ERBB4: variants seen among roughly 807,000 people sequenced by gnomAD.
ERBB4 encodes erb-b2 receptor tyrosine kinase 4, also known as receptor tyrosine-protein kinase erbB-4.
ERBB4 carries 42 observed loss-of-function variants against 158.0 expected under a neutral mutation model. That is an observed-to-expected ratio of 0.27 (90% CI 0.21 to 0.34). ERBB4 has a LOEUF of 0.34. ERBB4 is among the 10% of genes least tolerant of loss of function. The pLI, the probability that ERBB4 is intolerant of heterozygous loss-of-function variation, is 1.00. For synonymous variants in ERBB4, 583 were observed against 558.7 expected (o/e 1.04, Z -0.61); for missense variants, 1,333 against 1,624.1 (o/e 0.82, Z 3.08).
intron 1 of ERBB4, among the ~76,000 whole-genome samples, chr2:212,531,445 G>T (rs6724920): frequency 0.17 from 25,613 of 152,130 alleles, 2,265 homozygotes; most frequent in African/African-American, 0.23. Flanking sequence ...TCAAAGAATA[G>T]AACTATGTCT....
At chr2:212,516,991 A>G (rs976526400) in intron 1 of ERBB4, among the ~76,000 whole-genome samples, 4 of 152,116 alleles carry the variant, frequency 2.6e-5, no homozygotes, top group African/African-American at 4.8e-5. Context: ...CTCTTAGTAA[A>G]GGCTTTAATT....
intron 1 of ERBB4, among the ~76,000 whole-genome samples, chr2:212,446,591 G>GTATATATATATATATATATGTATA (rs2092355840): frequency 3.6e-5 from 1 of 27,518 alleles, no homozygotes; most frequent in Non-Finnish European, 5.9e-5. Context: ...ATATATATAT[G>GTATATATATATATATATATGTATA]TATATATATA....
At chr2:211,821,546 C>T (rs771383268) in intron 3 of ERBB4, among the ~76,000 whole-genome samples, 15 of 151,694 alleles carry the variant, frequency 9.9e-5, no homozygotes, top group South Asian at 2.1e-4. Context: ...CCACAAATGA[C>T]GCTAAACAGA....
intron 20 of ERBB4, among the ~76,000 whole-genome samples, chr2:211,524,909 T>C (rs2066303564): frequency 6.6e-6 from 1 of 152,168 alleles, no homozygotes; most frequent in African/African-American, 2.4e-5. Flanking sequence ...GAGCGAGGGC[T>C]GTAAGGACTG....
intron 1 of ERBB4, among the ~76,000 whole-genome samples, chr2:212,138,430 A>ACCAG (rs1459125565): frequency 6.6e-6 from 1 of 152,138 alleles, no homozygotes; most frequent in Non-Finnish European, 1.5e-5. Flanking sequence ...ATGGAGCAGT[A>ACCAG]TCAAGAGTCT....
chr2:212,155,759 T>C (rs551328444), intron 1 of ERBB4, among the ~76,000 whole-genome samples: 1 of 152,138 alleles, frequency 6.6e-6, no homozygotes, highest in South Asian at 2.1e-4. Context: ...TATCTGTGTG[T>C]CATCAATAAA....
At chr2:212,309,184 G>A (rs948461455) in intron 1 of ERBB4, among the ~76,000 whole-genome samples, 29 of 150,852 alleles carry the variant, frequency 1.9e-4, no homozygotes, top group African/African-American at 6.3e-4. Flanking sequence ...ATCTTGATAA[G>A]TTAACACCCT....
At chr2:211,981,557 T>G (rs1172128878) in intron 2 of ERBB4, among the ~76,000 whole-genome samples, 1 of 152,180 alleles carries the variant, frequency 6.6e-6, no homozygotes, top group Non-Finnish European at 1.5e-5. Flanking sequence ...ACACTGAACT[T>G]GTTTCATTTT....
chr2:212,395,214 G>T (rs1228759072), intron 1 of ERBB4, among the ~76,000 whole-genome samples: 2 of 152,008 alleles, frequency 1.3e-5, no homozygotes, highest in Non-Finnish European at 2.9e-5. Flanking sequence ...AAAAGTCAAG[G>T]TAGAATCCTC....
chr2:212,106,583 C>T (rs10178556), intron 2 of ERBB4, among the ~76,000 whole-genome samples: 1,687 of 152,298 alleles, frequency 0.011, 24 homozygotes, highest in African/African-American at 0.039. Context: ...GAAATCCAAG[C>T]CAGCTGCAAA....
chr2:211,423,398 G>A (rs535325257), intron 23 of ERBB4, among the ~76,000 whole-genome samples: 6 of 151,894 alleles, frequency 4.0e-5, no homozygotes, highest in East Asian at 3.9e-4. Flanking sequence ...TGCTAACCCC[G>A]TGTAAATCAG....
At chr2:212,343,499 A>G (rs902516604) in intron 1 of ERBB4, among the ~76,000 whole-genome samples, 2 of 152,170 alleles carry the variant, frequency 1.3e-5, no homozygotes, top group African/African-American at 4.8e-5. Context: ...ATACAACTCT[A>G]AATGCATTGA....
intron 20 of ERBB4, 178 bp downstream of exon 20, chr2:211,561,725 C>G (rs1018930142): frequency 1.6e-6 from 1 of 631,642 alleles, no homozygotes; most frequent in South Asian, 1.8e-5. Flanking sequence ...AAATATATAT[C>G]ACGCATTTAA....
intron 17 of ERBB4, among the ~76,000 whole-genome samples, chr2:211,629,366 T>C (rs1255784768): frequency 1.3e-5 from 2 of 151,892 alleles, no homozygotes; most frequent in South Asian, 4.2e-4. Flanking sequence ...TTCAAGGAGA[T>C]CTACAAACCA....
intron 20 of ERBB4, among the ~76,000 whole-genome samples, chr2:211,456,179 C>A (rs769687750): frequency 1.5e-4 from 23 of 152,014 alleles, no homozygotes; most frequent in Admixed American, 1.0e-3. Context: ...CTAAGTGATC[C>A]CGATAACTAC....
At chr2:211,528,332 C>CA (rs1381252258) in intron 20 of ERBB4, among the ~76,000 whole-genome samples, 1 of 151,842 alleles carries the variant, frequency 6.6e-6, no homozygotes, top group East Asian at 1.9e-4. Flanking sequence ...TATATGTACT[C>CA]AACATTGGAG....
intron 1 of ERBB4, among the ~76,000 whole-genome samples, chr2:212,280,054 G>C (rs565996413): frequency 6.6e-6 from 1 of 151,366 alleles, no homozygotes; most frequent in Non-Finnish European, 1.5e-5. Context: ...TCTTCAAAAA[G>C]AACTTGAAAA....
chr2:211,734,931 A>AAGAGGGATT (rs576322013), intron 5 of ERBB4, among the ~76,000 whole-genome samples: 3 of 150,508 alleles, frequency 2.0e-5, no homozygotes, highest in African/African-American at 7.3e-5. Context: ...AAAAAAAAAA[A>AAGAGGGATT]GACGGATTGT....
chr2:212,020,583 T>C (rs1398098607), intron 2 of ERBB4, among the ~76,000 whole-genome samples: 1 of 152,130 alleles, frequency 6.6e-6, no homozygotes, highest in African/African-American at 2.4e-5. Context: ...TCAGAATGCT[T>C]TATAAAAGTG....
Sources: allele counts gnomAD v4.1 joint callset (sites outside exome capture counted in the v4.1 genomes callset), GRCh38; gene constraint gnomAD v4.1.1; transcripts MANE v1.5; gene names NCBI Gene and HGNC (gene_info 2026-07-23, HGNC 2026-07-21).